Variants in CKAP4 observed in about 807,000 individuals in gnomAD.
CKAP4 encodes the protein cytoskeleton-associated protein 4.
In CKAP4, 20 loss-of-function variants were observed where a neutral mutation model predicts 24.4. That is an observed-to-expected ratio of 0.82 (90% CI 0.58 to 1.19). The LOEUF (loss-of-function observed/expected upper bound fraction) is 1.19, where lower values mean the gene tolerates loss of function less well. Ranked by LOEUF, CKAP4 falls within the 50% of genes most tolerant of loss-of-function variation. The pLI is 0.00. For missense variants in CKAP4, 744 were observed against 765.3 expected, an observed-to-expected ratio of 0.97 and a Z score of 0.33; for synonymous variants, 378 against 351.7, an observed-to-expected ratio of 1.07 and a Z score of -0.84.
At position 106,247,377 on chromosome 12, in the gene CKAP4, C is replaced by A; in HGVS notation, c.475G>T (p.Glu159Ter). 1 of 1,531,642 alleles carries A rather than the reference C, an allele frequency of 6.5e-7. No homozygotes were observed. Among genetic ancestry groups the A allele is most frequent in the Non-Finnish European group, 8.7e-7 (1 of 1,143,024 alleles). The allele number at this position is 1,531,642 out of a possible 1,614,324, so 94.9% of individuals were successfully genotyped here. A position where few individuals can be genotyped will look rare whatever the true frequency, so the allele number is the denominator to read the frequency against. The change falls in exon 1 of 2, where the codon GAG becomes TAG. Residue 159 changes from glutamate (E) to a stop codon, truncating the protein, a stop_gained. Coordinates refer to ENST00000378026, the MANE Select transcript of CKAP4 (RefSeq NM_006825.4). LOFTEE classifies it high-confidence loss of function. This position sits in a 1 kb window ranked among gnomAD's most constrained non-coding sequence, Gnocchi z 4.5. ...GGGCCGGGGGTACCCACCTTCTGCT[C>A]GACGCCCTGCAAGCCCTGGCCCAGC... ...EELGQGLQGV[E>*]QKVQSLQATF...
intron 1 of CKAP4, among the ~76,000 whole-genome samples, chr12:106,245,981 G>A (rs972239692): frequency 4.6e-5 from 7 of 152,226 alleles, no homozygotes; most frequent in Admixed American, 2.6e-4. Flanking sequence ...CAGCATGCTG[G>A]GAAAAGGAGG....
chr12:106,247,762 A>C lies in CKAP4; in HGVS notation c.90T>G (p.Asp30Glu). The C allele has an allele frequency of 9.5e-7, 1 of 1,052,932 alleles. No individual in the cohort carries two copies. Among genetic ancestry groups the C allele is most frequent in the Non-Finnish European group, 1.1e-6 (1 of 879,436 alleles). The allele number at this position is 1,052,932 out of a possible 1,614,324, so 65.2% of individuals were successfully genotyped here. Reference sequence around the variant, plus strand: ...CCGGCGGCGGCTTCTTCGCCACGTCATCCGCGCCGCCCGACGGGTGGGCAC... The same window carrying C: ...CCGGCGGCGGCTTCTTCGCCACGTCCTCCGCGCCGCCCGACGGGTGGGCAC... ...EKGAHPSGGA[D>E]DVAKKPPPAP... The change falls in exon 1 of 2, where the codon GAT (aspartate) becomes GAG (glutamate). Residue 30 changes from aspartate (D) to glutamate (E), a missense_variant. By Grantham distance (45) the Asp-to-Glu change is conservative. Coordinates refer to ENST00000378026, the MANE Select transcript of CKAP4 (RefSeq NM_006825.4). This position sits in a 1 kb window ranked among gnomAD's most constrained non-coding sequence, Gnocchi z 4.5.
chr12:106,247,818 C>T lies in CKAP4; in HGVS notation c.34G>A (p.Gly12Ser). ...PSAKQRGSKG[G>S]HGAASPSEKG... ...TCCGAGGGGCTCGCGGCGCCGTGGC[C>T]GCCCTTGGAGCCCCTTTGTTTGGCC... Residue 12 changes from glycine to serine, a missense_variant, in exon 1 of 2, where the codon GGC becomes AGC. Gly to Ser is a moderately conservative substitution (Grantham distance 56, BLOSUM62 0). Around this residue, in one of 3 missense-constraint regions of CKAP4, gnomAD observed 300 missense variants for 264.5 expected, o/e 1.13. Coordinates refer to ENST00000378026, the MANE Select transcript of CKAP4 (RefSeq NM_006825.4). This position sits in a 1 kb window ranked among gnomAD's most constrained non-coding sequence, Gnocchi z 4.5. The T allele has an allele frequency of 4.8e-6, 5 of 1,050,354 alleles. No homozygotes were observed. The highest frequency in any genetic ancestry group is 4.6e-6 in the Non-Finnish European group (4 of 875,782). 65.1% of individuals were successfully genotyped at this position (1,050,354 alleles called of 1,614,324 possible). A position where few individuals can be genotyped will look rare whatever the true frequency, so the allele number is the denominator to read the frequency against.
At position 106,247,620 on chromosome 12, in the gene CKAP4, TGCC is replaced by T. The variant is rs750145170; in HGVS notation, c.229_231del (p.Gly77del). On this transcript the variant is annotated inframe_deletion, in exon 1 of 2. Coordinates refer to ENST00000378026, the MANE Select transcript of CKAP4 (RefSeq NM_006825.4). This position sits in a 1 kb window ranked among gnomAD's most constrained non-coding sequence, Gnocchi z 4.5. ...GAGGCGGAGGAGGAGGAGGAGGACT[TGCC>T]GCCGCCGCCGCCGCCGCCGCGGTGG... The T allele has an allele frequency of 6.5e-3, 6,262 of 966,264 alleles. 11 individuals carry two copies. Among genetic ancestry groups the T allele is most frequent in the African/African-American group, 0.025 (1,350 of 54,634 alleles). 59.9% of individuals were successfully genotyped at this position (966,264 alleles called of 1,614,324 possible). A position where few individuals can be genotyped will look rare whatever the true frequency, so the allele number is the denominator to read the frequency against.
At chr12:106,243,609 G>A (rs1187283859) in intron 1 of CKAP4, among the ~76,000 whole-genome samples, 5 of 152,350 alleles carry the variant, frequency 3.3e-5, no homozygotes, top group Admixed American at 3.3e-4. Context: ...AGAGGGCCTA[G>A]AGATGAACTG....
Position 106,247,295 on chromosome 12 carries a change from A to T in CKAP4, c.483+74T>A, listed in dbSNP as rs2034020717. The T allele has an allele frequency of 3.7e-6, 5 of 1,351,596 alleles. No homozygotes were observed. The highest frequency in any genetic ancestry group is 4.9e-6 in the Non-Finnish European group (5 of 1,012,652). 83.7% of individuals were successfully genotyped at this position (1,351,596 alleles called of 1,614,324 possible). A position where few individuals can be genotyped will look rare whatever the true frequency, so the allele number is the denominator to read the frequency against. On this transcript the variant is annotated intron_variant, in intron 1 of 1. Transcript: ENST00000378026. This position sits in a 1 kb window ranked among gnomAD's most constrained non-coding sequence, Gnocchi z 4.5. ...CAGGCAGCGCTAGGGGCCGGTCGGGAAGCACGAAGGAGCCCGGCCGTGGGT... is the reference window on the plus strand; with the variant it reads ...CAGGCAGCGCTAGGGGCCGGTCGGGTAGCACGAAGGAGCCCGGCCGTGGGT...
rs2055676433 is a variant in CKAP4, at chr12:106,247,841, G to T, written c.11C>A (p.Ala4Asp). The change falls in exon 1 of 2, where the codon GCC becomes GAC. Residue 4 changes from alanine (A) to aspartate (D), a missense_variant. Ala to Asp is a moderately radical substitution (Grantham distance 126). Coordinates refer to ENST00000378026, the MANE Select transcript of CKAP4 (RefSeq NM_006825.4). The surrounding 1 kb of genome is among the most constrained non-coding windows in gnomAD (Gnocchi z 4.5). MPSAKQRGSKGGHG... is the reference protein window; with the variant it reads MPSDKQRGSKGGHG... ...GCCGCCCTTGGAGCCCCTTTGTTTG[G>T]CCGAGGGCATGGCGGGCGCGGCGGC... 3.8e-6 allele frequency: 4 copies of T among 1,044,570 alleles called. No individual in the cohort carries two copies. The highest frequency in any genetic ancestry group is 4.6e-6 in the Non-Finnish European group (4 of 871,408). 64.7% of individuals were successfully genotyped at this position (1,044,570 alleles called of 1,614,324 possible). A position where few individuals can be genotyped will look rare whatever the true frequency, so the allele number is the denominator to read the frequency against.
intron 1 of CKAP4, among the ~76,000 whole-genome samples, chr12:106,246,474 G>A (rs2034010673): frequency 1.3e-5 from 2 of 152,174 alleles, no homozygotes; most frequent in Admixed American, 1.3e-4. Context: ...CGGGCGCAGT[G>A]GCTCACGCCT....
chr12:106,240,344 C>T lies in CKAP4; in HGVS notation c.489G>A (p.Gln163=), dbSNP rs1443065867. The T allele has an allele frequency of 6.2e-7, 1 of 1,608,682 alleles. No individual in the cohort carries two copies. Among genetic ancestry groups the T allele is most frequent in the East Asian group, 2.2e-5 (1 of 44,744 alleles). ...QGLQGVEQKV[Q]SLQATFGTFE... is the part of the protein sequence containing the mutation. Reference sequence around the variant, plus strand: ...AAGTTCCAAATGTGGCTTGCAAAGACTGCACCTGTAATCAAAATCCAGACG... The same window carrying T: ...AAGTTCCAAATGTGGCTTGCAAAGATTGCACCTGTAATCAAAATCCAGACG... The change falls in exon 2 of 2, where the codon CAG becomes CAA. Residue 163 remains glutamine (Q), a synonymous_variant. Coordinates refer to ENST00000378026, the MANE Select transcript of CKAP4 (RefSeq NM_006825.4).
intron 1 of CKAP4, among the ~76,000 whole-genome samples, chr12:106,241,068 G>T (rs1357390144): frequency 6.6e-6 from 1 of 152,042 alleles, no homozygotes; most frequent in Non-Finnish European, 1.5e-5. Context: ...AACAGAGTGA[G>T]GTTCTGTCTC....
rs769994010 is a variant in CKAP4, at chr12:106,239,377, C to T, written c.1456G>A (p.Val486Met). 11 of 1,602,388 alleles carry T rather than the reference C, an allele frequency of 6.9e-6. No individual in the cohort carries two copies. The highest frequency in any genetic ancestry group is 1.7e-5 in the Admixed American group (1 of 60,002). Residue 486 changes from valine (V) to methionine (M), a missense_variant, in exon 2 of 2, where the codon GTG (valine) becomes ATG (methionine). Transcript: ENST00000378026. This position sits in a 1 kb window ranked among gnomAD's most constrained non-coding sequence, Gnocchi z 4.9. ...GETQLVLYGD[V>M]EELKRSVGEL... Reference sequence around the variant, plus strand: ...CCCACACTCCTCTTCAGCTCCTCCACGTCACCGTAGAGCACCAGCTGGGTC... The same window carrying T: ...CCCACACTCCTCTTCAGCTCCTCCATGTCACCGTAGAGCACCAGCTGGGTC...
rs771014402 is a variant in CKAP4, at chr12:106,239,383, C to T, written c.1450G>A (p.Gly484Ser). ...CTCCTCTTCAGCTCCTCCACGTCAC[C>T]GTAGAGCACCAGCTGGGTCTCGCCC... Reference protein sequence around the residue: ...SLGETQLVLYGDVEELKRSVG... With the variant: ...SLGETQLVLYSDVEELKRSVG... Residue 484 changes from glycine (G) to serine (S), a missense_variant, in exon 2 of 2, where the codon GGT (glycine) becomes AGT (serine). Transcript: ENST00000378026. This position sits in a 1 kb window ranked among gnomAD's most constrained non-coding sequence, Gnocchi z 4.9. The T allele has an allele frequency of 2.1e-5, 34 of 1,601,218 alleles. No homozygotes were observed. Among genetic ancestry groups the T allele is most frequent in the Middle Eastern group, 1.6e-4 (1 of 6,068 alleles).
Position 106,247,881 on chromosome 12 carries a change from G to T in CKAP4, c.-30C>A. The T allele has an allele frequency of 1.6e-5, 16 of 1,025,558 alleles. No homozygotes were observed. The highest frequency in any genetic ancestry group is 1.9e-5 in the Non-Finnish European group (16 of 857,342). The allele number at this position is 1,025,558 out of a possible 1,614,324, so 63.5% of individuals were successfully genotyped here. A position where few individuals can be genotyped will look rare whatever the true frequency, so the allele number is the denominator to read the frequency against. ...GGCGCGGCGGCGGCTCGGGCCGCGGGCTGGGAGGCGAGCGAGCGCGGCGCG... is the reference window on the plus strand; with the variant it reads ...GGCGCGGCGGCGGCTCGGGCCGCGGTCTGGGAGGCGAGCGAGCGCGGCGCG... On this transcript the variant is annotated 5_prime_UTR_variant, in exon 1 of 2. Coordinates refer to ENST00000378026, the MANE Select transcript of CKAP4 (RefSeq NM_006825.4). This position sits in a 1 kb window ranked among gnomAD's most constrained non-coding sequence, Gnocchi z 4.5.
chr12:106,239,728 CCTCCGGGAGG>C lies in CKAP4; in HGVS notation c.1095_1104del (p.Leu366ArgfsTer12). Reference sequence around the variant, plus strand: ...AGCTCTTCCTCCAGTCTCCGGATCTCCTCCGGGAGGCGGGAGACGGACTCCTCAGACCTGA... The same window carrying C: ...AGCTCTTCCTCCAGTCTCCGGATCTCCGGGAGACGGACTCCTCAGACCTGA... On this transcript the variant is annotated frameshift_variant, in exon 2 of 2. Transcript: ENST00000378026. This position sits in a 1 kb window ranked among gnomAD's most constrained non-coding sequence, Gnocchi z 4.9. 1 of 1,614,056 alleles carries C rather than the reference CCTCCGGGAGG, an allele frequency of 6.2e-7. No individual in the cohort carries two copies. Among genetic ancestry groups the C allele is most frequent in the Non-Finnish European group, 8.5e-7 (1 of 1,180,000 alleles).
rs1343372479 is a variant in CKAP4 at position 106,239,078 on chromosome 12, C to T, written c.1755G>A (p.Arg585=). The T allele has an allele frequency of 6.2e-7, 1 of 1,614,104 alleles. No individual in the cohort carries two copies. Among genetic ancestry groups the T allele is most frequent in the Admixed American group, 1.7e-5 (1 of 60,024 alleles). Residue 585 remains arginine, a synonymous_variant, in exon 2 of 2, where the codon AGG becomes AGA. Transcript: ENST00000378026. This position sits in a 1 kb window ranked among gnomAD's most constrained non-coding sequence, Gnocchi z 4.9. Reference sequence around the variant, plus strand: ...TCACAAACAACCTATCCAGATCATTCCTCAGGTCATCTAGTAAACCCTTGG... The same window carrying T: ...TCACAAACAACCTATCCAGATCATTTCTCAGGTCATCTAGTAAACCCTTGG... The part of the protein sequence containing the change: ...ESAKGLLDDL[R]NDLDRLFVKV...
chr12:106,240,410 CT>C, intron 1 of CKAP4, 61 bp from the exon 2 acceptor site: 10 of 1,532,134 alleles, frequency 6.5e-6, no homozygotes, highest in Non-Finnish European at 5.2e-6. Context: ...CATGATACAA[CT>C]TTTTTTGTCT....
rs1016754958 is a variant in CKAP4, at chr12:106,238,922, G to A, written c.*102C>T. The A allele has an allele frequency of 1.0e-5, 13 of 1,277,714 alleles. 1 individual carries two copies. Among genetic ancestry groups the A allele is most frequent in the Middle Eastern group, 1.9e-4 (1 of 5,192 alleles). The allele number at this position is 1,277,714 out of a possible 1,614,324, so 79.1% of individuals were successfully genotyped here. On this transcript the variant is annotated 3_prime_UTR_variant, in exon 2 of 2. Transcript: ENST00000378026. ...GGTGGTGACAACTGCTCTTTAAGAG[G>A]GGACAAGAAATTGGGGGGTAGGGGA...
intron 1 of CKAP4, among the ~76,000 whole-genome samples, chr12:106,246,549 C>T (rs912582113): frequency 2.6e-5 from 4 of 152,120 alleles, no homozygotes; most frequent in African/African-American, 9.7e-5. Context: ...TCGAGACCAG[C>T]CTGGCCAATA....
At chr12:106,243,692 G>C (rs1164553551) in intron 1 of CKAP4, among the ~76,000 whole-genome samples, 1 of 152,172 alleles carries the variant, frequency 6.6e-6, no homozygotes, top group African/African-American at 2.4e-5. Flanking sequence ...CTGCCTCTCT[G>C]CCTGTGCTAC....
Sources: gnomAD v4.1 joint callset for allele counts (sites outside exome capture counted in the v4.1 genomes callset) on GRCh38, gnomAD v4.1.1 for gene constraint, gnomAD v4.1.1 regional missense constraint, Gnocchi (gnomAD v3.1) non-coding constraint, MANE v1.5 for transcripts, NCBI Gene and HGNC (gene_info 2026-07-23, HGNC 2026-07-21) for gene names.